PDE4D: variants seen among roughly 807,000 people sequenced by gnomAD.
The protein encoded by PDE4D is 3',5'-cyclic-AMP phosphodiesterase 4D.
Under a neutral mutation model 87.4 loss-of-function variants are expected in PDE4D, and 24 were observed. The ratio of observed to expected loss-of-function variants is 0.27; its 90% CI spans 0.20 to 0.39. PDE4D has a LOEUF of 0.39. Among genes scored for constraint, PDE4D ranks in the 10% least tolerant of loss-of-function variants. The pLI, the probability that PDE4D is intolerant of heterozygous loss-of-function variation, is 1.00. For synonymous variants in PDE4D, 384 were observed against 383.2 expected, an observed-to-expected ratio of 1.00 and a Z score of -0.02; for missense variants, 714 against 1,041.0, an observed-to-expected ratio of 0.69 and a Z score of 4.32.
At chr5:59,668,860 A>AGAAGAG (rs1746631802) in intron 1 of PDE4D, among the ~76,000 whole-genome samples, 1 of 67,720 alleles carries the variant, frequency 1.5e-5, no homozygotes, top group Non-Finnish European at 2.8e-5. Flanking sequence ...AAGAAGAAGA[A>AGAAGAG]GAAGAAGAAG....
intron 5 of PDE4D, among the ~76,000 whole-genome samples, chr5:59,072,707 T>A (rs1207232164): frequency 6.6e-6 from 1 of 152,136 alleles, no homozygotes; most frequent in Non-Finnish European, 1.5e-5. Flanking sequence ...TAATCAGAGG[T>A]CTTCATGTTG....
At chr5:59,506,813 G>A (rs1319077433) in intron 1 of PDE4D, among the ~76,000 whole-genome samples, 6 of 152,168 alleles carry the variant, frequency 3.9e-5, no homozygotes, top group African/African-American at 1.4e-4. Flanking sequence ...AGAATGTGGA[G>A]CTCTTAGAAA....
rs756165259 is a variant in PDE4D at position 59,180,412 on chromosome 5, A to G, written c.808+183T>C. On this transcript the variant is annotated intron_variant, in intron 5 of 14. Transcript: ENST00000340635. ...TCAGTAAAAAACGTAAATCGGTAAAAATGTTCCAAATAACAGCTTAGACAA... is the reference window on the plus strand; with the variant it reads ...TCAGTAAAAAACGTAAATCGGTAAAGATGTTCCAAATAACAGCTTAGACAA... The G allele has an allele frequency of 4.2e-6, 3 of 718,930 alleles. No homozygotes were observed. In the East Asian group the frequency reaches 7.9e-5, roughly 19 times the overall value. The allele number at this position is 718,930 out of a possible 1,614,324, so 44.5% of individuals were successfully genotyped here.
intron 1 of PDE4D, among the ~76,000 whole-genome samples, chr5:60,467,251 G>A (rs1047876155): frequency 6.6e-6 from 1 of 152,064 alleles, no homozygotes; most frequent in African/African-American, 2.4e-5. Flanking sequence ...TGTTCGCCAG[G>A]CTGGTCTTGA....
At chr5:59,361,461 T>G (rs760167257) in intron 1 of PDE4D, among the ~76,000 whole-genome samples, 2 of 152,214 alleles carry the variant, frequency 1.3e-5, no homozygotes, top group African/African-American at 2.4e-5. Context: ...AAAAATTCTT[T>G]CTATTTAATA....
Position 59,547,506 on chromosome 5 carries a change from C to T in PDE4D, c.456-331538G>A, listed in dbSNP as rs141663269. ...ATAAGTAATGACAACCTCAAGTAAACGTTCACTTTTTTCACAGCCAAATTT... is the reference window on the plus strand; with the variant it reads ...ATAAGTAATGACAACCTCAAGTAAATGTTCACTTTTTTCACAGCCAAATTT... On this transcript the variant is annotated intron_variant, in intron 1 of 14. Coordinates refer to ENST00000340635, the MANE Select transcript of PDE4D (RefSeq NM_001104631.2). Among the ~76,000 whole-genome samples, 1,153 of 151,560 alleles carry T rather than the reference C, an allele frequency of 7.6e-3. 14 individuals carry two copies. Among genetic ancestry groups the T allele is most frequent in the African/African-American group, 0.027 (1,098 of 40,966 alleles).
chr5:59,936,913 G>T (rs1319109465), intron 3 of PDE4D, among the ~76,000 whole-genome samples: 1 of 152,178 alleles, frequency 6.6e-6, no homozygotes, highest in Non-Finnish European at 1.5e-5. Context: ...AGGAGAAACT[G>T]CTATTATTTG....
chr5:59,067,432 A>G (rs1339887683), intron 5 of PDE4D, among the ~76,000 whole-genome samples: 1 of 152,186 alleles, frequency 6.6e-6, no homozygotes, highest in Non-Finnish European at 1.5e-5. Context: ...AGAAAAAGAT[A>G]TATGTTTGAC....
chr5:59,586,291 C>T lies in PDE4D; in HGVS notation c.455+306877G>A, dbSNP rs368047099. ...GTACCTGTCACGGAATTTGATAATTCTGAGTTTTACAAACTGAAGGGAATA... is the reference window on the plus strand; with the variant it reads ...GTACCTGTCACGGAATTTGATAATTTTGAGTTTTACAAACTGAAGGGAATA... On this transcript the variant is annotated intron_variant, in intron 1 of 14. Coordinates refer to ENST00000340635, the MANE Select transcript of PDE4D (RefSeq NM_001104631.2). 387 of 1,458,550 alleles carry T rather than the reference C, an allele frequency of 2.7e-4. 7 individuals are homozygous for T. In the South Asian group the frequency reaches 4.1e-3, roughly 15 times the overall value. The allele number at this position is 1,458,550 out of a possible 1,614,324, so 90.4% of individuals were successfully genotyped here. A position where few individuals can be genotyped will look rare whatever the true frequency, so the allele number is the denominator to read the frequency against.
At chr5:59,941,631 C>A (rs925907162) in intron 3 of PDE4D, among the ~76,000 whole-genome samples, 4 of 152,224 alleles carry the variant, frequency 2.6e-5, no homozygotes, top group African/African-American at 9.6e-5. Context: ...CCCGCCACCA[C>A]CAGGCAAAAT....
intron 1 of PDE4D, among the ~76,000 whole-genome samples, chr5:60,449,639 A>G (rs1745936318): frequency 6.6e-6 from 1 of 150,582 alleles, no homozygotes; most frequent in Non-Finnish European, 1.5e-5. Context: ...AACTTAAAGT[A>G]TAATAATAAT....
At chr5:60,392,033 C>T (rs150356799) in intron 1 of PDE4D, among the ~76,000 whole-genome samples, 1 of 152,192 alleles carries the variant, frequency 6.6e-6, no homozygotes, top group East Asian at 1.9e-4. Flanking sequence ...TACTGAGACT[C>T]CATATTTTCA....
intron 1 of PDE4D, among the ~76,000 whole-genome samples, chr5:59,259,806 G>A (rs752238636): frequency 2.6e-5 from 4 of 151,742 alleles, no homozygotes; most frequent in Non-Finnish European, 5.9e-5. Context: ...TATATAATCA[G>A]AAATATCCTA....
chr5:60,043,726 G>A (rs770733588), intron 2 of PDE4D, among the ~76,000 whole-genome samples: 5 of 151,684 alleles, frequency 3.3e-5, no homozygotes, highest in Non-Finnish European at 5.9e-5. Flanking sequence ...CTTCTTGAAA[G>A]CTCTTCTTTT....
chr5:59,172,930 A>G (rs1783249746), intron 5 of PDE4D: 1 of 152,086 alleles, frequency 6.6e-6, no homozygotes, highest in South Asian at 2.1e-4. Flanking sequence ...AATAATGATA[A>G]GTAACATTTG....
At position 60,020,969 on chromosome 5, in the gene PDE4D, C is replaced by G. The variant is rs369823008; in HGVS notation, c.43-32252G>C. On this transcript the variant is annotated intron_variant, in intron 2 of 16. Transcript: ENST00000502484. ...TAACTGGGAATTGCCCACCTCCAATCAGTAAAGTCTGAATTTTATTCAAAC... is the reference window on the plus strand; with the variant it reads ...TAACTGGGAATTGCCCACCTCCAATGAGTAAAGTCTGAATTTTATTCAAAC... Among the ~76,000 whole-genome samples, 5 of 152,174 alleles carry G rather than the reference C, an allele frequency of 3.3e-5. No individual in the cohort carries two copies. The South Asian group carries it at 6.2e-4, about 19-fold the overall frequency.
chr5:60,098,983 G>C (rs1317884509), intron 2 of PDE4D, among the ~76,000 whole-genome samples: 1 of 151,952 alleles, frequency 6.6e-6, no homozygotes, highest in Non-Finnish European at 1.5e-5. Context: ...TCTTAAGGCA[G>C]GTCTAGTGGA....
At chr5:60,344,595 A>G (rs891891848) in intron 1 of PDE4D, among the ~76,000 whole-genome samples, 2 of 152,152 alleles carry the variant, frequency 1.3e-5, no homozygotes, top group South Asian at 2.1e-4. Flanking sequence ...ATGCAATAAA[A>G]TCTTTATGCA....
chr5:59,070,610 T>C (rs149456120), intron 5 of PDE4D, among the ~76,000 whole-genome samples: 1 of 152,176 alleles, frequency 6.6e-6, no homozygotes, highest in Non-Finnish European at 1.5e-5. Context: ...TGTGTTTCCA[T>C]GAGCAGAACC....
Sources: gnomAD v4.1 joint callset for allele counts (sites outside exome capture counted in the v4.1 genomes callset) on GRCh38, gnomAD v4.1.1 for gene constraint, MANE v1.5 for transcripts, NCBI Gene and HGNC (gene_info 2026-07-23, HGNC 2026-07-21) for gene names.